PARL: variants seen among roughly 807,000 people sequenced by gnomAD.
PARL encodes the protein presenilin-associated rhomboid-like protein, mitochondrial.
PARL carries 44 observed loss-of-function variants against 51.6 expected under a neutral mutation model. The observed-to-expected ratio is 0.85, with a 90% CI of 0.67 to 1.10. The LOEUF (loss-of-function observed/expected upper bound fraction) is 1.10. Among genes scored for constraint, PARL ranks in the 50% least tolerant of loss-of-function variants. The probability of loss-of-function intolerance (pLI) is 0.00; values close to 1 mark genes in which losing one functional copy is unlikely to be tolerated. For synonymous variants in PARL, 172 were observed against 164.0 expected (o/e 1.05, Z -0.37); for missense variants, 441 against 469.5 (o/e 0.94, Z 0.56).
At chr3:183,866,553 C>A in intron 3 of PARL, 72 bp downstream of exon 3, 1 of 1,224,798 alleles carries the variant, frequency 8.2e-7, no homozygotes, top group Non-Finnish European at 1.2e-6. Context: ...ACTGAAAACA[C>A]GTGCATCTAT....
chr3:183,875,549 T>C (rs1170867393), intron 1 of PARL, among the ~76,000 whole-genome samples: 2 of 151,566 alleles, frequency 1.3e-5, no homozygotes, highest in African/African-American at 2.4e-5. Context: ...AGAGCAAGAC[T>C]AACTCCTTCA....
chr3:183,882,236 T>A (rs1577407168), intron 1 of PARL, among the ~76,000 whole-genome samples: 3 of 19,868 alleles, frequency 1.5e-4, no homozygotes, highest in Non-Finnish European at 3.1e-4. Flanking sequence ...TATATATATA[T>A]ATATATATTT....
chr3:183,832,132 C>A (rs573092185), intron 9 of PARL, among the ~76,000 whole-genome samples: 1 of 152,282 alleles, frequency 6.6e-6, no homozygotes, highest in South Asian at 2.1e-4. Context: ...ACATACTACT[C>A]CTCTTTAATC....
chr3:183,884,851 C>T lies in PARL; in HGVS notation c.-5G>A. On this transcript the variant is annotated 5_prime_UTR_variant, in exon 1 of 10. Transcript: ENST00000317096. ...CGCCCAGCCTCGCCACGCCATCTTCCCAACCTCTGCCCCACCATGGCCCGA... is the reference window on the plus strand; with the variant it reads ...CGCCCAGCCTCGCCACGCCATCTTCTCAACCTCTGCCCCACCATGGCCCGA... 6.3e-7 allele frequency: 1 copy of T among 1,597,168 alleles called. No homozygotes were observed. The highest frequency in any genetic ancestry group is 8.5e-7 in the Non-Finnish European group (1 of 1,179,492).
At chr3:183,868,436 G>A (rs1401088524) in intron 1 of PARL, among the ~76,000 whole-genome samples, 1 of 151,758 alleles carries the variant, frequency 6.6e-6, no homozygotes, top group Non-Finnish European at 1.5e-5. Flanking sequence ...GCCCAGGCTA[G>A]AGTACGATTA....
intron 1 of PARL, among the ~76,000 whole-genome samples, chr3:183,875,220 G>C (rs546881655): frequency 1.3e-5 from 2 of 151,950 alleles, no homozygotes; most frequent in Non-Finnish European, 2.9e-5. Flanking sequence ...TTCGAGACCA[G>C]CCTGGCCAAC....
chr3:183,878,350 G>A (rs568011479), intron 1 of PARL, among the ~76,000 whole-genome samples: 21 of 152,140 alleles, frequency 1.4e-4, no homozygotes, highest in Admixed American at 4.6e-4. Flanking sequence ...AAACTAAGCC[G>A]CAAGTCCAAC....
At position 183,846,377 on chromosome 3, in the gene PARL, C is replaced by T. The variant is rs563038594; in HGVS notation, c.512-2051G>A. 3.7e-5 allele frequency: 8 copies of T among 213,544 alleles called. No individual in the cohort carries two copies. In the South Asian group the frequency reaches 8.4e-4, roughly 23 times the overall value. 13.2% of individuals were successfully genotyped at this position (213,544 alleles called of 1,614,324 possible). On this transcript the variant is annotated intron_variant, in intron 4 of 9. Coordinates refer to ENST00000317096, the MANE Select transcript of PARL (RefSeq NM_018622.7). ...GCGTGGTGGTGCATGCCTGTAGTCC[C>T]GGTTACTCAGGAGGCTGAGGCAGGA...
In PARL at chr3:183,882,222, AATATATATATATATATATATATTTAT is replaced by A. The variant is rs1331476537; in HGVS notation, c.125+2474_125+2499del. On this transcript the variant is annotated intron_variant, in intron 1 of 9. Coordinates refer to ENST00000317096, the MANE Select transcript of PARL (RefSeq NM_018622.7). Reference sequence around the variant, plus strand: ...ATGTCTCTAAAAAAAAAAAAAAAAAAATATATATATATATATATATATTTATATATATATATATATATATATTTATA... The same window carrying A: ...ATGTCTCTAAAAAAAAAAAAAAAAAAATATATATATATATATATATTTATA... 8.1e-3 allele frequency among the ~76,000 whole-genome samples: 372 copies of A among 46,078 alleles called. 13 individuals are homozygous for A. The highest frequency in any genetic ancestry group is 0.028 in the African/African-American group (356 of 12,592). 30.2% of individuals were successfully genotyped at this position (46,078 alleles called of 152,430 possible). A position where few individuals can be genotyped will look rare whatever the true frequency, so the allele number is the denominator to read the frequency against.
downstream of PARL, chr3:183,826,666 G>T (rs1560359415): frequency 8.1e-6 from 8 of 985,316 alleles, no homozygotes; most frequent in South Asian, 3.3e-4. Context: ...GTGGCAGCAG[G>T]TCAGCTGAGC....
intron 5 of PARL, among the ~76,000 whole-genome samples, chr3:183,843,812 G>A (rs1729624773): frequency 6.6e-6 from 1 of 152,004 alleles, no homozygotes; most frequent in Non-Finnish European, 1.5e-5. Context: ...GCCGAGCCAG[G>A]CAGATCACCT....
chr3:183,853,839 G>A lies in PARL; in HGVS notation c.511+8914C>T, dbSNP rs573580252. ...ATTGGAAGACTTGAGCGCTGTTGGC[G>A]AGAATGTAAAATGGTACAACCGCCA... is the stretch of plus-strand genomic sequence containing the variant. On this transcript the variant is annotated intron_variant, in intron 4 of 9. Transcript: ENST00000317096. 3.3e-5 allele frequency among the ~76,000 whole-genome samples: 5 copies of A among 152,296 alleles called. No individual in the cohort carries two copies. The South Asian group carries it at 8.3e-4, about 25-fold the overall frequency.
chr3:183,827,662 AGATCTC>A (rs1305164973), downstream of PARL, among the ~76,000 whole-genome samples: 6 of 152,066 alleles, frequency 3.9e-5, no homozygotes, highest in Non-Finnish European at 8.8e-5. Flanking sequence ...CGAGAGAGGG[AGATCTC>A]GAATGGCTCC....
At chr3:183,882,392 T>C (rs949807096) in intron 1 of PARL, among the ~76,000 whole-genome samples, 7 of 56,874 alleles carry the variant, frequency 1.2e-4, no homozygotes, top group African/African-American at 5.5e-4. Context: ...TACATATATA[T>C]GCACATATAC....
chr3:183,875,449 A>G (rs1377538784), intron 1 of PARL, among the ~76,000 whole-genome samples: 2 of 151,686 alleles, frequency 1.3e-5, no homozygotes, highest in Non-Finnish European at 2.9e-5. Flanking sequence ...TAGAGTAAGA[A>G]AGCAAAACAG....
downstream of PARL, among the ~76,000 whole-genome samples, chr3:183,828,569 G>T (rs527864317): frequency 4.6e-5 from 7 of 152,214 alleles, no homozygotes; most frequent in South Asian, 1.4e-3. Context: ...GGATATGAAG[G>T]ACTGCCAAAT....
At chr3:183,852,259 C>CTCCAACAGAAGA (rs1177147747) in intron 4 of PARL, among the ~76,000 whole-genome samples, 1 of 152,082 alleles carries the variant, frequency 6.6e-6, no homozygotes, top group African/African-American at 2.4e-5. Context: ...ACCCAAATGT[C>CTCCAACAGAAGA]CATCAACAGA....
chr3:183,868,029 A>G lies in PARL; in HGVS notation c.157T>C (p.Phe53Leu). ...TCAACCTTCCTGGGTGCTTTTCTGAATCCGCATTTTTGTTGAATAAAGAAG... is the reference window on the plus strand; with the variant it reads ...TCAACCTTCCTGGGTGCTTTTCTGAGTCCGCATTTTTGTTGAATAAAGAAG... ...FNFFIQQKCG[F>L]RKAPRKVEPR... is the part of the protein sequence containing the mutation. Residue 53 changes from phenylalanine (F) to leucine (L), a missense_variant, in exon 2 of 10, where the codon TTC becomes CTC. Coordinates refer to ENST00000317096, the MANE Select transcript of PARL (RefSeq NM_018622.7). 1.2e-6 allele frequency: 2 copies of G among 1,614,152 alleles called. No homozygotes were observed. The highest frequency in any genetic ancestry group is 8.5e-7 in the Non-Finnish European group (1 of 1,180,006).
chr3:183,831,086 C>T (rs1232864512), intron 9 of PARL, among the ~76,000 whole-genome samples: 3 of 152,182 alleles, frequency 2.0e-5, no homozygotes, highest in African/African-American at 7.2e-5. Flanking sequence ...AAGTGATTCT[C>T]CTGCCTCAGC....
Sources: gnomAD v4.1 joint callset for allele counts (sites outside exome capture counted in the v4.1 genomes callset) on GRCh38, gnomAD v4.1.1 for gene constraint, MANE v1.5 for transcripts, NCBI Gene and HGNC (gene_info 2026-07-23, HGNC 2026-07-21) for gene names.